The following TSNARE1 variants were observed in gnomAD, a reference collection of about 807,000 sequenced individuals.
The protein encoded by TSNARE1 is t-SNARE domain containing 1.
A neutral mutation model predicts 62.0 loss-of-function variants in TSNARE1; 49 were observed. The observed-to-expected ratio is 0.79, with a 90% confidence interval of 0.63 to 1.00. The LOEUF is 1.00. TSNARE1 is among the 50% of genes least tolerant of loss of function. TSNARE1 has a pLI of 0.00. For synonymous variants in TSNARE1, 328 were observed against 294.4 expected (o/e 1.11, Z -1.17); for missense variants, 755 against 700.1 (o/e 1.08, Z -0.88).
intron 6 of TSNARE1, among the ~76,000 whole-genome samples, chr8:142,323,657 G>GACCA (rs1249762620): frequency 1.3e-5 from 2 of 152,230 alleles, no homozygotes; most frequent in Non-Finnish European, 1.5e-5. Context: ...AGCAACCCAG[G>GACCA]ACCAGCAGGG....
intron 2 of TSNARE1, among the ~76,000 whole-genome samples, chr8:142,354,079 T>C (rs886170018): frequency 2.0e-5 from 3 of 152,028 alleles, no homozygotes; most frequent in Non-Finnish European, 2.9e-5. Context: ...GGGGTTACCA[T>C]GGCAGTCAGG....
chr8:142,248,111 A>G (rs1817981313), intron 12 of TSNARE1, among the ~76,000 whole-genome samples: 1 of 152,068 alleles, frequency 6.6e-6, no homozygotes, highest in Non-Finnish European at 1.5e-5. Flanking sequence ...GGCCCTTACA[A>G]GGCTTCACGC....
intron 13 of TSNARE1, among the ~76,000 whole-genome samples, chr8:142,217,028 G>C (rs748273309): frequency 1.3e-5 from 2 of 152,026 alleles, no homozygotes; most frequent in Non-Finnish European, 2.9e-5. Flanking sequence ...CAGATCACGA[G>C]GTCAGGAGAT....
Position 142,330,980 on chromosome 8 carries a change from A to G in TSNARE1, c.824-10T>C, listed in dbSNP as rs776801802. On this transcript the variant is annotated splice_polypyrimidine_tract_variant and intron_variant, in intron 5 of 13. Transcript: ENST00000524325. ...CGCTCCAAGGAGGTCACTGCCCGAG[A>G]GAAGAGGGACAGGGTGAGGGCAGAA... The G allele has an allele frequency of 5.0e-6, 8 of 1,613,738 alleles. No individual in the cohort carries two copies. In the South Asian group the frequency reaches 8.8e-5, roughly 18 times the overall value.
chr8:142,392,766 C>T (rs1238104385), intron 1 of TSNARE1, among the ~76,000 whole-genome samples: 1 of 152,188 alleles, frequency 6.6e-6, no homozygotes, highest in Non-Finnish European at 1.5e-5. Flanking sequence ...CATGGCGAAA[C>T]CCCGTCTCTA....
chr8:142,252,530 A>C (rs988922243), intron 12 of TSNARE1, among the ~76,000 whole-genome samples: 2 of 152,230 alleles, frequency 1.3e-5, no homozygotes, highest in African/African-American at 4.8e-5. Context: ...CCCCAGCAGG[A>C]GCTACCTGCA....
At chr8:142,395,304 C>G (rs2131419034) in intron 1 of TSNARE1, among the ~76,000 whole-genome samples, 1 of 152,340 alleles carries the variant, frequency 6.6e-6, no homozygotes, top group African/African-American at 2.4e-5. Context: ...CTCTCTCTAC[C>G]TTGCCCTCCC....
intron 12 of TSNARE1, chr8:142,247,924 G>A (rs764869130): frequency 9.8e-5 from 15 of 152,346 alleles, no homozygotes; most frequent in Non-Finnish European, 1.3e-4. Flanking sequence ...GAACGAGCTC[G>A]CATGGGGGAT....
At chr8:142,235,214 A>G (rs1817345697) in intron 12 of TSNARE1, among the ~76,000 whole-genome samples, 1 of 151,582 alleles carries the variant, frequency 6.6e-6, no homozygotes, top group Non-Finnish European at 1.5e-5. Flanking sequence ...GGCCCCAGAG[A>G]AGGACGTGAC....
intron 1 of TSNARE1, among the ~76,000 whole-genome samples, chr8:142,378,791 A>T (rs1836521174): frequency 6.6e-6 from 1 of 152,172 alleles, no homozygotes; most frequent in South Asian, 2.1e-4. Flanking sequence ...AGGTCCTTCA[A>T]GGCGCACGGG....
At chr8:142,281,579 G>T (rs117484270) in intron 11 of TSNARE1, among the ~76,000 whole-genome samples, 1 of 151,950 alleles carries the variant, frequency 6.6e-6, no homozygotes, top group Non-Finnish European at 1.5e-5. Context: ...AGGCCACAGC[G>T]CATGGAGTCA....
At position 142,300,814 on chromosome 8, in the gene TSNARE1, G is replaced by A. The variant is rs191961661; in HGVS notation, c.1132-170C>T. ...CTTCTGCGGCCACGAGCCTGTCACT[G>A]GGCATCAATCTGGGCCTCCCAGGCG... is the stretch of plus-strand genomic sequence containing the variant. On this transcript the variant is annotated intron_variant, in intron 9 of 13. Transcript: ENST00000524325. Among the ~76,000 whole-genome samples, 311 of 149,616 alleles carry A rather than the reference G, an allele frequency of 2.1e-3. 2 individuals are homozygous for A. Among genetic ancestry groups the A allele is most frequent in the African/African-American group, 7.0e-3 (289 of 41,404 alleles).
intron 9 of TSNARE1, among the ~76,000 whole-genome samples, chr8:142,308,267 G>A (rs1308723986): frequency 1.3e-5 from 2 of 152,178 alleles, no homozygotes; most frequent in Non-Finnish European, 2.9e-5. Context: ...GTCTGTGTAA[G>A]AAATACTTGT....
chr8:142,273,460 G>C (rs1819930603), intron 12 of TSNARE1: 2 of 985,274 alleles, frequency 2.0e-6, no homozygotes, highest in Non-Finnish European at 2.4e-6. Context: ...GCTGGGCCAA[G>C]GGCTGAGGCC....
chr8:142,246,840 G>A (rs1415593723), intron 12 of TSNARE1, among the ~76,000 whole-genome samples: 1 of 152,222 alleles, frequency 6.6e-6, no homozygotes, highest in Non-Finnish European at 1.5e-5. Context: ...ACCAACCTGT[G>A]TTAGCACCTG....
intron 6 of TSNARE1, among the ~76,000 whole-genome samples, chr8:142,325,721 C>T (rs35317953): frequency 0.22 from 32,753 of 152,062 alleles, 3,928 homozygotes; most frequent in East Asian, 0.31. Flanking sequence ...GGAGGGATTC[C>T]GAGCTGCGGG....
At chr8:142,308,750 A>G (rs544360847) in intron 9 of TSNARE1, among the ~76,000 whole-genome samples, 2 of 152,252 alleles carry the variant, frequency 1.3e-5, no homozygotes, top group Admixed American at 1.3e-4. Context: ...GGTCTTTCAT[A>G]TTTCCATATA....
At chr8:142,309,120 T>C (rs919571349) in intron 9 of TSNARE1, among the ~76,000 whole-genome samples, 15 of 152,246 alleles carry the variant, frequency 9.9e-5, no homozygotes, top group South Asian at 2.1e-4. Flanking sequence ...ATACACAATG[T>C]CTTCTTGTCT....
At position 142,291,910 on chromosome 8, in the gene TSNARE1, T is replaced by C. The variant is rs543298719; in HGVS notation, c.1291-7425A>G. Reference sequence around the variant, plus strand: ...GAGGAATGAGGGAGAGGACAGTCCATTGGGAGTACGGGGTCAGCTGCCTCT... The same window carrying C: ...GAGGAATGAGGGAGAGGACAGTCCACTGGGAGTACGGGGTCAGCTGCCTCT... On this transcript the variant is annotated intron_variant, in intron 10 of 13. Coordinates refer to ENST00000524325, the MANE Select transcript of TSNARE1 (RefSeq NM_145003.5). This position sits in a 1 kb window ranked among gnomAD's most constrained non-coding sequence, Gnocchi z 4.8. Among the ~76,000 whole-genome samples the C allele has an allele frequency of 4.6e-5, 7 of 151,990 alleles. No individual in the cohort carries two copies. The highest frequency in any genetic ancestry group is 1.9e-4 in the East Asian group (1 of 5,140).
Sources: gnomAD v4.1 joint callset for allele counts (sites outside exome capture counted in the v4.1 genomes callset) on GRCh38, gnomAD v4.1.1 for gene constraint, Gnocchi (gnomAD v3.1) non-coding constraint, MANE v1.5 for transcripts, NCBI Gene and HGNC (gene_info 2026-07-23, HGNC 2026-07-21) for gene names.